NT5DC3: variants seen among roughly 807,000 people sequenced by gnomAD.
NT5DC3 encodes the protein 5'-nucleotidase domain-containing protein 3.
NT5DC3 carries 42 observed loss-of-function variants against 67.8 expected under a neutral mutation model. That is an observed-to-expected ratio of 0.62 (90% CI 0.48 to 0.80). The LOEUF is 0.80. NT5DC3 is among the 30% of genes least tolerant of loss of function. The pLI, the probability that NT5DC3 is intolerant of heterozygous loss-of-function variation, is 0.00. For synonymous variants in NT5DC3, 237 were observed against 255.6 expected, an observed-to-expected ratio of 0.93 and a Z score of 0.69; for missense variants, 570 against 696.4, an observed-to-expected ratio of 0.82 and a Z score of 2.04.
intron 10 of NT5DC3, among the ~76,000 whole-genome samples, chr12:103,788,600 A>C (rs1885898978): frequency 6.6e-6 from 1 of 152,242 alleles, no homozygotes; most frequent in Non-Finnish European, 1.5e-5. Flanking sequence ...ACACACTATG[A>C]AAGTCATGCC....
At chr12:103,807,293 C>T (rs764348890) in intron 2 of NT5DC3, among the ~76,000 whole-genome samples, 1 of 152,230 alleles carries the variant, frequency 6.6e-6, no homozygotes, top group Non-Finnish European at 1.5e-5. Context: ...ACCCATCACT[C>T]CCTCCTTTTA....
chr12:103,830,671 T>C (rs756440854), intron 1 of NT5DC3, among the ~76,000 whole-genome samples: 1 of 152,236 alleles, frequency 6.6e-6, no homozygotes, highest in Non-Finnish European at 1.5e-5. Flanking sequence ...CCACTAAACT[T>C]TTAATTTTAA....
chr12:103,780,407 A>T (rs746796074), intron 12 of NT5DC3, 43 bp from the exon 13 acceptor site: 21 of 1,580,546 alleles, frequency 1.3e-5, no homozygotes, highest in Non-Finnish European at 1.8e-5. Context: ...TTGATTTCAA[A>T]TAAGCTCATT....
In NT5DC3 at chr12:103,776,921, G is replaced by C. The variant is rs1885361202; in HGVS notation, c.*908C>G. 6.6e-6 allele frequency: 1 copy of C among 152,214 alleles called. No individual in the cohort carries two copies. The highest frequency in any genetic ancestry group is 1.5e-5 in the Non-Finnish European group (1 of 68,054). 9.4% of individuals were successfully genotyped at this position (152,214 alleles called of 1,614,324 possible). On this transcript the variant is annotated 3_prime_UTR_variant, in exon 14 of 14. Coordinates refer to ENST00000392876, the MANE Select transcript of NT5DC3 (RefSeq NM_001031701.3). Reference sequence around the variant, plus strand: ...ACAGGATTCCAATTCAACTGGGTGGGTGGCATGGCATAGCATTTCATGACA... The same window carrying C: ...ACAGGATTCCAATTCAACTGGGTGGCTGGCATGGCATAGCATTTCATGACA...
the NT5DC3 span, chr12:103,749,003 G>T: frequency 4.3e-6 from 7 of 1,614,142 alleles, no homozygotes; most frequent in East Asian, 1.6e-4. Context: ...GCTGTGCAAA[G>T]GTGGCCAGAT....
the NT5DC3 span, chr12:103,749,230 A>G: frequency 2.8e-6 from 4 of 1,448,570 alleles, no homozygotes; most frequent in South Asian, 1.4e-5. Context: ...TCCACCTCCC[A>G]TACTCTGCTT....
At chr12:103,748,605 TACACACACACAC>T in the NT5DC3 span, among the ~76,000 whole-genome samples, 7,275 of 141,030 alleles carry the variant, frequency 0.052, 189 homozygotes, top group South Asian at 0.084. Flanking sequence ...CACACACACA[TACACACACACAC>T]ACACACACAC....
At chr12:103,805,739 G>A (rs1314442705) in intron 4 of NT5DC3, among the ~76,000 whole-genome samples, 2 of 151,194 alleles carry the variant, frequency 1.3e-5, no homozygotes, top group African/African-American at 2.4e-5. Flanking sequence ...CCAGCTAATC[G>A]GGAGGCTGAG....
the NT5DC3 span, chr12:103,762,147 C>T: frequency 1.5e-6 from 2 of 1,307,774 alleles, no homozygotes; most frequent in African/African-American, 3.0e-5. Context: ...TAATAAGGGC[C>T]AGATACATGT....
intron 2 of NT5DC3, among the ~76,000 whole-genome samples, chr12:103,814,331 G>A (rs1388912695): frequency 6.6e-6 from 1 of 152,238 alleles, no homozygotes; most frequent in Non-Finnish European, 1.5e-5. Context: ...GCACCTGTCT[G>A]AGATGGAGAG....
At position 103,777,943 on chromosome 12, in the gene NT5DC3, G is replaced by A. The variant is rs758814946; in HGVS notation, c.1533C>T (p.Asp511=). The A allele has an allele frequency of 2.7e-5, 44 of 1,614,110 alleles. No homozygotes were observed. The highest frequency in any genetic ancestry group is 2.5e-4 in the South Asian group (23 of 91,092). The part of the protein sequence containing the change: ...MASLSCLLNY[D]VSHTFYPRRT... ...TCCGGGGGTAGAAAGTGTGGCTGAC[G>A]TCATAGTTCAGGAGGCAGCTCAGAG... Residue 511 remains aspartate, a synonymous_variant, in exon 14 of 14, where the codon GAC becomes GAT. Transcript: ENST00000392876.
intron 1 of NT5DC3, chr12:103,822,023 G>A (rs747089779): frequency 2.0e-5 from 3 of 152,064 alleles, no homozygotes; most frequent in Non-Finnish European, 2.9e-5. Context: ...TTCAAATTAT[G>A]CTATAAAACA....
At chr12:103,790,115 T>C (rs1447150523) in intron 9 of NT5DC3, among the ~76,000 whole-genome samples, 1 of 152,046 alleles carries the variant, frequency 6.6e-6, no homozygotes, top group Non-Finnish European at 1.5e-5. Context: ...ACATTTTTGG[T>C]TTTTTTGGAG....
chr12:103,769,604 G>T (rs1416776247), downstream of NT5DC3, among the ~76,000 whole-genome samples: 2 of 152,228 alleles, frequency 1.3e-5, no homozygotes, highest in African/African-American at 4.8e-5. Context: ...TCATGGTCCA[G>T]GCTCCTTGTT....
chr12:103,765,274 T>A, the NT5DC3 span, among the ~76,000 whole-genome samples: 1 of 152,116 alleles, frequency 6.6e-6, no homozygotes, highest in African/African-American at 2.4e-5. Flanking sequence ...GCACCATGCA[T>A]GAAAGATTTA....
At chr12:103,838,370 C>A (rs538899078) in intron 1 of NT5DC3, among the ~76,000 whole-genome samples, 1 of 152,310 alleles carries the variant, frequency 6.6e-6, no homozygotes, top group African/African-American at 2.4e-5. Flanking sequence ...TGGATGGACT[C>A]ATCCATTGCT....
intron 9 of NT5DC3, among the ~76,000 whole-genome samples, chr12:103,789,860 A>G (rs1885962915): frequency 6.6e-6 from 1 of 152,196 alleles, no homozygotes; most frequent in Non-Finnish European, 1.5e-5. Flanking sequence ...ACAGAAAAAT[A>G]CTATGAAAAA....
At chr12:103,762,261 T>C in the NT5DC3 span, 7 of 1,612,866 alleles carry the variant, frequency 4.3e-6, no homozygotes, top group Admixed American at 1.7e-5. Context: ...CCCTTTCCTT[T>C]CTTTGTGTTC....
the NT5DC3 span, among the ~76,000 whole-genome samples, chr12:103,765,019 G>A: frequency 4.7e-5 from 7 of 149,516 alleles, 1 homozygote; most frequent in South Asian, 4.2e-4. Context: ...ACTGGGAGGC[G>A]GAGGTTGCAG....
Sources: allele counts gnomAD v4.1 joint callset (sites outside exome capture counted in the v4.1 genomes callset), GRCh38; gene constraint gnomAD v4.1.1; transcripts MANE v1.5; gene names NCBI Gene and HGNC (gene_info 2026-07-23, HGNC 2026-07-21).